CAPZB: variants seen among roughly 807,000 people sequenced by gnomAD.
CAPZB encodes the protein capping actin protein of muscle Z-line subunit beta, also known as F-actin-capping protein subunit beta.
A neutral mutation model predicts 38.1 loss-of-function variants in CAPZB; 2 were observed. The ratio of observed to expected loss-of-function variants is 0.05; its 90% CI spans 0.02 to 0.17. The LOEUF is 0.17. CAPZB is among the 10% of genes least tolerant of loss of function. The probability of loss-of-function intolerance (pLI) is 1.00; values close to 1 mark genes in which losing one functional copy is unlikely to be tolerated. For missense variants in CAPZB, 161 were observed against 334.2 expected, an observed-to-expected ratio of 0.48 and a Z score of 4.04; for synonymous variants, 107 against 127.4, an observed-to-expected ratio of 0.84 and a Z score of 1.08.
chr1:19,342,592 C>T (rs1270244772), intron 8 of CAPZB, among the ~76,000 whole-genome samples: 1 of 152,040 alleles, frequency 6.6e-6, no homozygotes, highest in Admixed American at 6.6e-5. Context: ...TACATGGGGC[C>T]GAGGCTACAC....
chr1:19,339,503 C>T lies in CAPZB; in HGVS notation c.*27G>A, dbSNP rs371299668. The T allele has an allele frequency of 4.6e-6, 7 of 1,531,070 alleles. No individual in the cohort carries two copies. Among genetic ancestry groups the T allele is most frequent in the East Asian group, 4.5e-5 (2 of 44,500 alleles). The allele number at this position is 1,531,070 out of a possible 1,614,324, so 94.8% of individuals were successfully genotyped here. ...AGAAAGGAATCTAACGAGTGCACGGCGTGTCTGGTTAGCATGAAACAGAGG... is the reference window on the plus strand; with the variant it reads ...AGAAAGGAATCTAACGAGTGCACGGTGTGTCTGGTTAGCATGAAACAGAGG... On this transcript the variant is annotated 3_prime_UTR_variant, in exon 9 of 9. Coordinates refer to ENST00000264202, the MANE Select transcript of CAPZB (RefSeq NM_004930.5).
At position 19,359,612 on chromosome 1, in the gene CAPZB, C is replaced by A. The variant is rs117910858; in HGVS notation, c.330-2049G>T. Among the ~76,000 whole-genome samples, 468 of 152,336 alleles carry A rather than the reference C, an allele frequency of 3.1e-3. 2 individuals carry two copies. Among genetic ancestry groups the A allele is most frequent in the South Asian group, 0.025 (123 of 4,828 alleles). On this transcript the variant is annotated intron_variant, in intron 4 of 8. Transcript: ENST00000264202. Reference sequence around the variant, plus strand: ...GAGTCTACAGGAGGGCAGATGAGGGCAGGGCTGTCTGGCTAACCAAGTGTC... The same window carrying A: ...GAGTCTACAGGAGGGCAGATGAGGGAAGGGCTGTCTGGCTAACCAAGTGTC...
chr1:19,350,191 C>T (rs932818821), intron 6 of CAPZB, among the ~76,000 whole-genome samples: 3 of 152,276 alleles, frequency 2.0e-5, no homozygotes, highest in South Asian at 4.1e-4. Flanking sequence ...TAGCGCGACC[C>T]GCAGGGCGTG....
chr1:19,482,818 C>G (rs1368761167), intron 1 of CAPZB, among the ~76,000 whole-genome samples: 1 of 152,176 alleles, frequency 6.6e-6, no homozygotes, highest in Non-Finnish European at 1.5e-5. Flanking sequence ...ACAATGCAAC[C>G]TCACACCACC....
intron 6 of CAPZB, among the ~76,000 whole-genome samples, chr1:19,345,626 C>G (rs1353910689): frequency 6.6e-6 from 1 of 152,258 alleles, no homozygotes; most frequent in Non-Finnish European, 1.5e-5. Context: ...CCCAGGCCCA[C>G]GCTGGGCCAT....
At chr1:19,408,782 C>G (rs1446518273) in intron 2 of CAPZB, among the ~76,000 whole-genome samples, 11 of 152,212 alleles carry the variant, frequency 7.2e-5, no homozygotes, top group Non-Finnish European at 2.9e-5. Context: ...GTGGCAGACT[C>G]AAAGCCACAG....
chr1:19,345,353 C>A (rs937572954), intron 6 of CAPZB, 101 bp from the exon 7 acceptor site: 2 of 955,802 alleles, frequency 2.1e-6, no homozygotes, highest in Non-Finnish European at 1.7e-6. Flanking sequence ...GCCTACTGTT[C>A]CCACCGTGGA....
At chr1:19,401,144 A>G (rs769214240) in intron 2 of CAPZB, among the ~76,000 whole-genome samples, 11 of 151,702 alleles carry the variant, frequency 7.3e-5, no homozygotes, top group Non-Finnish European at 1.3e-4. Context: ...ACCAGAGAGC[A>G]TTTTCACAAG....
intron 2 of CAPZB, among the ~76,000 whole-genome samples, chr1:19,394,590 G>A (rs908725582): frequency 2.6e-5 from 4 of 152,080 alleles, no homozygotes; most frequent in African/African-American, 2.4e-5. Flanking sequence ...GCGTGGTGGC[G>A]CAGGCCTGTA....
intron 1 of CAPZB, among the ~76,000 whole-genome samples, chr1:19,438,498 G>T (rs1458111449): frequency 1.3e-5 from 2 of 152,192 alleles, no homozygotes; most frequent in Non-Finnish European, 2.9e-5. Context: ...CCCATAGCAT[G>T]CTGAGTGAAG....
At chr1:19,467,191 C>G (rs2094571867) in intron 1 of CAPZB, among the ~76,000 whole-genome samples, 1 of 152,116 alleles carries the variant, frequency 6.6e-6, no homozygotes, top group East Asian at 1.9e-4. Context: ...GGGCACTGTG[C>G]CCAGCCCTCA....
intron 8 of CAPZB, chr1:19,342,703 G>T: frequency 1.7e-6 from 2 of 1,195,440 alleles, no homozygotes; most frequent in South Asian, 1.2e-5. Flanking sequence ...CGGCGGGTTG[G>T]TGAGTCCTGT....
intron 4 of CAPZB, among the ~76,000 whole-genome samples, chr1:19,366,273 C>A: frequency 8.8e-6 from 1 of 113,064 alleles, no homozygotes; most frequent in East Asian, 2.8e-4. Context: ...ATAGTGAGAC[C>A]GTGTCTTAAA....
intron 4 of CAPZB, among the ~76,000 whole-genome samples, chr1:19,365,940 G>A (rs567706985): frequency 6.2e-4 from 94 of 152,250 alleles, no homozygotes; most frequent in African/African-American, 2.2e-3. Context: ...CGGCTGAAGA[G>A]CTCAGGCTAA....
chr1:19,458,898 T>C (rs917511040), intron 1 of CAPZB, among the ~76,000 whole-genome samples: 2 of 152,136 alleles, frequency 1.3e-5, no homozygotes, highest in Non-Finnish European at 2.9e-5. Context: ...TTCTGAAAAA[T>C]GCAGGCAGGC....
chr1:19,432,928 A>G (rs1174722986), intron 1 of CAPZB, among the ~76,000 whole-genome samples: 1 of 152,246 alleles, frequency 6.6e-6, no homozygotes, highest in African/African-American at 2.4e-5. Flanking sequence ...GTCATCTACT[A>G]CCAAATTCTG....
At position 19,339,384 on chromosome 1, in the gene CAPZB, GGA is replaced by G. The variant is rs2093915465; in HGVS notation, c.*144_*145del. 2.8e-6 allele frequency: 2 copies of G among 707,410 alleles called. No homozygotes were observed. Among genetic ancestry groups the G allele is most frequent in the Admixed American group, 4.0e-5 (2 of 49,578 alleles). 43.8% of individuals were successfully genotyped at this position (707,410 alleles called of 1,614,324 possible). On this transcript the variant is annotated 3_prime_UTR_variant, in exon 9 of 9. Transcript: ENST00000264202. ...GGGTGGCTATCGGCTTTATTCTCAG[GGA>G]GAGATGGCGCTGTGCGGTCAATGAT...
chr1:19,469,779 CA>C (rs2094580702), intron 1 of CAPZB, among the ~76,000 whole-genome samples: 1 of 151,466 alleles, frequency 6.6e-6, no homozygotes, highest in African/African-American at 2.4e-5. Context: ...CACACACACA[CA>C]CACACGCCCG....
At chr1:19,343,408 G>A (rs1569858812) in intron 8 of CAPZB, among the ~76,000 whole-genome samples, 1 of 152,190 alleles carries the variant, frequency 6.6e-6, no homozygotes, top group Non-Finnish European at 1.5e-5. Context: ...GGCTGTGAGA[G>A]CTACACCACG....
Sources: gnomAD v4.1 joint callset for allele counts (sites outside exome capture counted in the v4.1 genomes callset) on GRCh38, gnomAD v4.1.1 for gene constraint, MANE v1.5 for transcripts, NCBI Gene and HGNC (gene_info 2026-07-23, HGNC 2026-07-21) for gene names.